The following UGT1A9 variants were observed in gnomAD, a reference collection of about 807,000 sequenced individuals.
UGT1A9 encodes UDP-glucuronosyltransferase 1A9.
In UGT1A9, 35 loss-of-function variants were observed where a neutral mutation model predicts 45.0. The ratio of observed to expected loss-of-function variants is 0.78; its 90% confidence interval spans 0.59 to 1.03. The LOEUF (loss-of-function observed/expected upper bound fraction) is 1.03. UGT1A9 is among the 50% of genes least tolerant of loss of function. The probability of loss-of-function intolerance (pLI) is 0.00; values close to 1 mark genes in which losing one functional copy is unlikely to be tolerated. For synonymous variants in UGT1A9, 278 were observed against 250.6 expected, an observed-to-expected ratio of 1.11 and a Z score of -1.03; for missense variants, 687 against 666.6, an observed-to-expected ratio of 1.03 and a Z score of -0.34.
At chr2:233,747,436 T>C (rs1449782015) in intron 1 of UGT1A9, 22 of 1,608,824 alleles carry the variant, frequency 1.4e-5, no homozygotes, top group African/African-American at 2.7e-5. Flanking sequence ...GAGAAATTTT[T>C]CACCCTGACA....
intron 1 of UGT1A9, chr2:233,721,879 C>T (rs2076978757): frequency 2.0e-6 from 1 of 493,898 alleles, no homozygotes; most frequent in South Asian, 1.5e-5. Flanking sequence ...ACTTGCCAGC[C>T]CCTCCATTGC....
rs532529523 is a variant in UGT1A9 at position 233,747,113 on chromosome 2, A to T, written c.856-19921A>T. 13 of 1,433,550 alleles carry T rather than the reference A, an allele frequency of 9.1e-6. No homozygotes were observed. The African/African-American group carries it at 1.3e-4, about 14-fold the overall frequency. 88.8% of individuals were successfully genotyped at this position (1,433,550 alleles called of 1,614,324 possible). ...CACTCTATCTTCCAATTACATGATGATTTGCTAAGTGGCTCAGTGACAAGG... is the reference window on the plus strand; with the variant it reads ...CACTCTATCTTCCAATTACATGATGTTTTGCTAAGTGGCTCAGTGACAAGG... On this transcript the variant is annotated intron_variant, in intron 1 of 4. Coordinates refer to ENST00000354728, the MANE Select transcript of UGT1A9 (RefSeq NM_021027.3).
chr2:233,759,712 G>A (rs2125976216), intron 1 of UGT1A9, among the ~76,000 whole-genome samples: 1 of 151,632 alleles, frequency 6.6e-6, no homozygotes, highest in African/African-American at 2.4e-5. Flanking sequence ...GCGTGCTCGT[G>A]TGGTGGGCTC....
intron 1 of UGT1A9, chr2:233,713,496 G>A: frequency 3.1e-6 from 5 of 1,613,972 alleles, no homozygotes; most frequent in South Asian, 1.1e-5. Context: ...GTCGATTCCT[G>A]CTGTGTTTTT....
rs1312767733 is a variant in UGT1A9, at chr2:233,718,748, A to C, written c.855+45959A>C. 2.5e-6 allele frequency: 4 copies of C among 1,612,148 alleles called. No homozygotes were observed. In the African/African-American group the frequency reaches 5.3e-5, roughly 22 times the overall value. ...TGCTAGGTGGCTCAATGACAAGGTA[A>C]TTAAGGCGAAGGAAACAAATGTAGC... is the stretch of plus-strand genomic sequence containing the variant. On this transcript the variant is annotated intron_variant, in intron 1 of 4. Coordinates refer to ENST00000354728, the MANE Select transcript of UGT1A9 (RefSeq NM_021027.3).
In UGT1A9 at chr2:233,718,993, C is replaced by T. The variant is rs141408391; in HGVS notation, c.855+46204C>T. On this transcript the variant is annotated intron_variant, in intron 1 of 4. Transcript: ENST00000354728. ...GAGCTCCATGCCAGAGGCCACCAGG[C>T]GGTGGTCCTCACCCCAGAGGTGAAT... 743 of 1,614,156 alleles carry T rather than the reference C, an allele frequency of 4.6e-4. 9 individuals carry two copies. In the South Asian group the frequency reaches 5.4e-3, roughly 12 times the overall value.
chr2:233,747,661 T>C lies in UGT1A9; in HGVS notation c.856-19373T>C, dbSNP rs1219859537. ...AATGCTACTTCCTTCGATGTGGTTT[T>C]AATAGACCCAATTTACCTCTGTGGG... On this transcript the variant is annotated intron_variant, in intron 1 of 4. Coordinates refer to ENST00000354728, the MANE Select transcript of UGT1A9 (RefSeq NM_021027.3). 26 of 1,599,782 alleles carry C rather than the reference T, an allele frequency of 1.6e-5. No individual in the cohort carries two copies. The East Asian group carries it at 5.8e-4, about 36-fold the overall frequency.
At chr2:233,676,915 A>G (rs1424239135) in intron 1 of UGT1A9, among the ~76,000 whole-genome samples, 2 of 152,118 alleles carry the variant, frequency 1.3e-5, no homozygotes, top group East Asian at 1.9e-4. Flanking sequence ...TAGACTTTGT[A>G]TTCTGTTCTG....
chr2:233,749,702 A>G (rs7556792), intron 1 of UGT1A9, among the ~76,000 whole-genome samples: 1 of 151,694 alleles, frequency 6.6e-6, no homozygotes, highest in African/African-American at 2.4e-5. Context: ...GTGGGAGGTG[A>G]TTGGATCATG....
chr2:233,752,822 A>T (rs1200323713), intron 1 of UGT1A9, among the ~76,000 whole-genome samples: 1 of 152,248 alleles, frequency 6.6e-6, no homozygotes, highest in East Asian at 1.9e-4. Flanking sequence ...CCCATTTATG[A>T]CATCAGTAAT....
chr2:233,693,993 C>G (rs1321694157), intron 1 of UGT1A9: 16 of 1,526,640 alleles, frequency 1.0e-5, no homozygotes, highest in Non-Finnish European at 1.4e-5. Context: ...GAAGTGATAC[C>G]CGGCTCGGAG....
intron 1 of UGT1A9, among the ~76,000 whole-genome samples, chr2:233,676,032 C>T (rs2074343730): frequency 6.6e-6 from 1 of 152,166 alleles, no homozygotes; most frequent in Non-Finnish European, 1.5e-5. Context: ...CATACATATA[C>T]ATCCTTGGCC....
At chr2:233,731,933 C>A (rs562066404) in intron 1 of UGT1A9, among the ~76,000 whole-genome samples, 9 of 152,358 alleles carry the variant, frequency 5.9e-5, no homozygotes, top group Admixed American at 1.3e-4. Flanking sequence ...TCTCCACATC[C>A]TCTCCAACAT....
chr2:233,699,610 G>T (rs2125579992), intron 1 of UGT1A9, among the ~76,000 whole-genome samples: 1 of 152,318 alleles, frequency 6.6e-6, no homozygotes, highest in South Asian at 2.1e-4. Context: ...TCTATAGAAA[G>T]GAATAGAATG....
Position 233,769,622 on chromosome 2 carries a change from G to A in UGT1A9, c.1295+1183G>A, listed in dbSNP as rs926017310. 24 of 1,612,268 alleles carry A rather than the reference G, an allele frequency of 1.5e-5. No homozygotes were observed. Among genetic ancestry groups the A allele is most frequent in the Non-Finnish European group, 1.8e-5 (21 of 1,179,686 alleles). ...CACGGGGACACACCAGCTTGAGCAAGGGACAACAGGGGAGGACTGATGACT... is the reference window on the plus strand; with the variant it reads ...CACGGGGACACACCAGCTTGAGCAAAGGACAACAGGGGAGGACTGATGACT... On this transcript the variant is annotated intron_variant, in intron 4 of 4. Transcript: ENST00000354728. The surrounding 1 kb of genome is among the most constrained non-coding windows in gnomAD (Gnocchi z 4.4).
At position 233,682,571 on chromosome 2, in the gene UGT1A9, A is replaced by C. The variant is rs193199170; in HGVS notation, c.855+9782A>C. 5 of 1,613,826 alleles carry C rather than the reference A, an allele frequency of 3.1e-6. No homozygotes were observed. In the African/African-American group the frequency reaches 5.3e-5, roughly 17 times the overall value. On this transcript the variant is annotated intron_variant, in intron 1 of 4. Coordinates refer to ENST00000354728, the MANE Select transcript of UGT1A9 (RefSeq NM_021027.3). ...CAAGGAGAGAGTATGGAACCACATC[A>C]TGCACTTGGAGGAACATTTATTTTG...
intron 1 of UGT1A9, chr2:233,682,549 G>C (rs147392032): frequency 6.2e-7 from 1 of 1,613,912 alleles, no homozygotes; most frequent in Non-Finnish European, 8.5e-7. Flanking sequence ...TGACTTTCAA[G>C]GAGAGAGTAT....
chr2:233,701,223 G>C (rs1559351682), intron 1 of UGT1A9, among the ~76,000 whole-genome samples: 1 of 152,114 alleles, frequency 6.6e-6, no homozygotes, highest in East Asian at 1.9e-4. Flanking sequence ...ATAATCCTTT[G>C]GGTATATACC....
intron 1 of UGT1A9, chr2:233,755,329 C>G (rs1159047004): frequency 4.3e-6 from 2 of 468,526 alleles, no homozygotes; most frequent in African/African-American, 2.0e-5. Flanking sequence ...CTGCCAGCAC[C>G]CGCGCACAGG....
Sources: gnomAD v4.1 joint callset for allele counts (sites outside exome capture counted in the v4.1 genomes callset) on GRCh38, gnomAD v4.1.1 for gene constraint, Gnocchi (gnomAD v3.1) non-coding constraint, MANE v1.5 for transcripts, NCBI Gene and HGNC (gene_info 2026-07-23, HGNC 2026-07-21) for gene names.